The following SLC4A4 variants were observed in gnomAD, a reference collection of about 807,000 sequenced individuals.
SLC4A4 encodes electrogenic sodium bicarbonate cotransporter 1.
Under a neutral mutation model 111.5 loss-of-function variants are expected in SLC4A4, and 27 were observed. The observed-to-expected ratio is 0.24, with a 90% CI of 0.18 to 0.33. SLC4A4 has a LOEUF of 0.33. Ranked by LOEUF, SLC4A4 falls within the 10% of genes least tolerant of loss-of-function variation. The probability of loss-of-function intolerance (pLI) is 1.00; values close to 1 mark genes in which losing one functional copy is unlikely to be tolerated. For synonymous variants in SLC4A4, 443 were observed against 463.4 expected (o/e 0.96, Z 0.57); for missense variants, 909 against 1,315.5 (o/e 0.69, Z 4.78).
intron 7 of SLC4A4, among the ~76,000 whole-genome samples, chr4:71,404,079 T>C (rs1435417969): frequency 2.0e-5 from 3 of 152,230 alleles, no homozygotes; most frequent in African/African-American, 7.2e-5. Context: ...TATATTACAT[T>C]ATTAATGAGT....
At chr4:71,226,766 T>C (rs1300374758) in intron 1 of SLC4A4, among the ~76,000 whole-genome samples, 1 of 152,116 alleles carries the variant, frequency 6.6e-6, no homozygotes, top group Admixed American at 6.5e-5. Flanking sequence ...CAGATCCACT[T>C]AATACCAAAC....
At chr4:71,088,380 A>G (rs112312241) in intron 1 of SLC4A4, among the ~76,000 whole-genome samples, 2 of 151,948 alleles carry the variant, frequency 1.3e-5, no homozygotes, top group South Asian at 4.1e-4. Context: ...TGTGTCTTTT[A>G]ATTGGAGCAT....
chr4:71,203,987 T>G (rs1177498033), intron 1 of SLC4A4, among the ~76,000 whole-genome samples: 3 of 152,148 alleles, frequency 2.0e-5, no homozygotes, highest in Non-Finnish European at 4.4e-5. Flanking sequence ...CACTGTAAAT[T>G]CCAGAAAAGC....
At position 71,567,041 on chromosome 4, in the gene SLC4A4, A is replaced by C; in HGVS notation, c.3234A>C (p.Ser1078=). The stretch of plus-strand genomic sequence containing the variant: ...CAACATTCCTTGAACGCCACACATC[A>C]TGCTGATAAAATTCCTTTCCTTCAG... ...RSPTFLERHT[S]C Residue 1078 remains serine (S), a synonymous_variant, in exon 25 of 26, where the codon TCA becomes TCC. Transcript: ENST00000264485. The C allele has an allele frequency of 6.2e-7, 1 of 1,610,380 alleles. No individual in the cohort carries two copies. Among genetic ancestry groups the C allele is most frequent in the African/African-American group, 1.3e-5 (1 of 74,802 alleles).
chr4:71,178,037 G>A (rs920788626), intron 2 of SLC4A4, among the ~76,000 whole-genome samples: 5 of 151,974 alleles, frequency 3.3e-5, no homozygotes, highest in Non-Finnish European at 7.4e-5. Context: ...ACTCAAAACC[G>A]CTCAACTACA....
chr4:71,085,896 TG>T (rs1379429979), intron 1 of SLC4A4, among the ~76,000 whole-genome samples: 11 of 152,066 alleles, frequency 7.2e-5, no homozygotes, highest in Non-Finnish European at 1.3e-4. Flanking sequence ...GGCTCTTTTT[TG>T]GTTCCATATG....
intron 7 of SLC4A4, among the ~76,000 whole-genome samples, chr4:71,424,771 C>T (rs1183673800): frequency 6.6e-6 from 1 of 151,946 alleles, no homozygotes; most frequent in Non-Finnish European, 1.5e-5. Context: ...TATTCTCACT[C>T]ATAGGTGGGA....
chr4:71,318,414 G>A (rs1038513162), intron 3 of SLC4A4, among the ~76,000 whole-genome samples: 2 of 152,070 alleles, frequency 1.3e-5, no homozygotes, highest in African/African-American at 4.8e-5. Flanking sequence ...TTTAATTGCA[G>A]TTGACATTTT....
chr4:71,395,202 A>C (rs945536450), intron 6 of SLC4A4, among the ~76,000 whole-genome samples: 1 of 152,150 alleles, frequency 6.6e-6, no homozygotes, highest in Non-Finnish European at 1.5e-5. Context: ...AGGATTGGGA[A>C]GGATTTGTCT....
chr4:71,364,943 A>G (rs1731112140), intron 6 of SLC4A4, among the ~76,000 whole-genome samples: 2 of 152,222 alleles, frequency 1.3e-5, no homozygotes, highest in Admixed American at 6.5e-5. Flanking sequence ...TTTTTAAAAT[A>G]GTGCTACTTT....
intron 20 of SLC4A4, among the ~76,000 whole-genome samples, chr4:71,554,727 T>C (rs1487046541): frequency 2.0e-5 from 3 of 151,806 alleles, no homozygotes; most frequent in East Asian, 3.9e-4. Context: ...ACAGACTATA[T>C]TGAAAGGAAC....
rs73828160 is a variant in SLC4A4 at position 71,466,672 on chromosome 4, A to C, written c.1631+95A>C. ...CATAGAATAGTGATTAGGCAGATCC[A>C]AGAATCACTCAGAATACTGGAATGT... On this transcript the variant is annotated intron_variant, in intron 13 of 25. Coordinates refer to ENST00000264485, the MANE Select transcript of SLC4A4 (RefSeq NM_001098484.3). 4,076 of 1,276,996 alleles carry C rather than the reference A, an allele frequency of 3.2e-3. 67 individuals are homozygous for C. The African/African-American group carries it at 0.041, about 13-fold the overall frequency. 79.1% of individuals were successfully genotyped at this position (1,276,996 alleles called of 1,614,324 possible).
chr4:71,385,841 G>C (rs890650386), intron 6 of SLC4A4, among the ~76,000 whole-genome samples: 2 of 152,066 alleles, frequency 1.3e-5, no homozygotes, highest in African/African-American at 2.4e-5. Context: ...TGCTTTACGA[G>C]ACTGATTGCT....
At chr4:71,567,401 G>A (rs1169788003) in intron 25 of SLC4A4, among the ~76,000 whole-genome samples, 2 of 151,632 alleles carry the variant, frequency 1.3e-5, no homozygotes, top group Non-Finnish European at 2.9e-5. Context: ...TTCTCCAGTG[G>A]TTTCTTTCCC....
chr4:71,265,259 C>T (rs186500016), intron 3 of SLC4A4, among the ~76,000 whole-genome samples: 64 of 152,090 alleles, frequency 4.2e-4, no homozygotes, highest in East Asian at 2.5e-3. Flanking sequence ...TGACTGAGTG[C>T]GAGTGGGGAA....
intron 3 of SLC4A4, among the ~76,000 whole-genome samples, chr4:71,260,189 G>A (rs1012594451): frequency 1.3e-5 from 2 of 152,190 alleles, no homozygotes; most frequent in Non-Finnish European, 2.9e-5. Context: ...AGCTGCTTTT[G>A]TTTGGTGCTT....
chr4:71,456,535 G>T (rs1204026432), intron 12 of SLC4A4, among the ~76,000 whole-genome samples: 4 of 152,144 alleles, frequency 2.6e-5, no homozygotes, highest in African/African-American at 9.7e-5. Flanking sequence ...AAGTCTTCTT[G>T]ACCTGGGACC....
chr4:71,314,017 C>T (rs1437160373), intron 3 of SLC4A4, among the ~76,000 whole-genome samples: 3 of 152,024 alleles, frequency 2.0e-5, no homozygotes, highest in African/African-American at 7.2e-5. Flanking sequence ...TGCAATCTAT[C>T]CATCTGACAA....
At chr4:71,255,182 T>C in intron 2 of SLC4A4, 38 bp from the exon 3 acceptor site, 2 of 1,577,646 alleles carry the variant, frequency 1.3e-6, no homozygotes, top group Non-Finnish European at 1.7e-6. Flanking sequence ...GTAGAGAATG[T>C]GGTTTGAACT....
Sources: gnomAD v4.1 joint callset for allele counts (sites outside exome capture counted in the v4.1 genomes callset) on GRCh38, gnomAD v4.1.1 for gene constraint, MANE v1.5 for transcripts, NCBI Gene and HGNC (gene_info 2026-07-23, HGNC 2026-07-21) for gene names.